The following PTPRN2 variants were observed in gnomAD, a reference collection of about 807,000 sequenced individuals.
PTPRN2 encodes receptor-type tyrosine-protein phosphatase N2.
Under a neutral mutation model 118.8 loss-of-function variants are expected in PTPRN2, and 74 were observed. The ratio of observed to expected loss-of-function variants is 0.62; its 90% CI spans 0.52 to 0.76. The LOEUF (loss-of-function observed/expected upper bound fraction) is 0.76. PTPRN2 is among the 30% of genes least tolerant of loss of function. PTPRN2 has a pLI of 0.00. For missense variants in PTPRN2, 1,481 were observed against 1,394.4 expected (o/e 1.06, Z -0.99); for synonymous variants, 641 against 608.0 (o/e 1.05, Z -0.80).
At chr7:158,071,039 ATGGAGGTGCTCATGGTGG>A (rs1317507060) in intron 11 of PTPRN2, among the ~76,000 whole-genome samples, 1 of 16,130 alleles carries the variant, frequency 6.2e-5, no homozygotes, top group Non-Finnish European at 1.1e-4. Flanking sequence ...TGCTCTTAGT[ATGGAGGTGCTCATGGTGG>A]TGGAGGTGCT....
intron 13 of PTPRN2, among the ~76,000 whole-genome samples, chr7:157,660,927 G>A (rs1795852786): frequency 6.6e-6 from 1 of 152,196 alleles, no homozygotes; most frequent in African/African-American, 2.4e-5. Context: ...GCTAATTTTT[G>A]TATTTTTAGT....
intron 5 of PTPRN2, among the ~76,000 whole-genome samples, chr7:158,191,663 G>T (rs762094256): frequency 6.6e-6 from 1 of 152,008 alleles, no homozygotes; most frequent in African/African-American, 2.4e-5. Context: ...AGTGGGCTTC[G>T]CATAGTGAAG....
intron 2 of PTPRN2, among the ~76,000 whole-genome samples, chr7:158,395,284 T>TGAGGGGTGAGGGGC (rs1812269980): frequency 1.4e-4 from 1 of 7,370 alleles, no homozygotes; most frequent in Non-Finnish European, 3.4e-4. Flanking sequence ...CCTGCACAAG[T>TGAGGGGTGAGGGGC]GAGGGGTGAG....
intron 3 of PTPRN2, among the ~76,000 whole-genome samples, chr7:158,249,976 C>A (rs1023708475): frequency 1.3e-5 from 2 of 152,144 alleles, no homozygotes; most frequent in Non-Finnish European, 2.9e-5. Context: ...ACGACACACA[C>A]ACGAGTTTCC....
At chr7:158,327,361 A>AT (rs1803706897) in intron 2 of PTPRN2, among the ~76,000 whole-genome samples, 1 of 135,474 alleles carries the variant, frequency 7.4e-6, no homozygotes. Context: ...ACATGTACAC[A>AT]TTGTCACACA....
intron 11 of PTPRN2, among the ~76,000 whole-genome samples, chr7:157,973,946 C>T (rs1014614196): frequency 2.0e-5 from 3 of 152,184 alleles, no homozygotes; most frequent in African/African-American, 7.2e-5. Context: ...TTTCTCCATT[C>T]ATTGTCAGTG....
At chr7:157,925,614 G>T (rs1011267644) in intron 11 of PTPRN2, among the ~76,000 whole-genome samples, 20 of 152,086 alleles carry the variant, frequency 1.3e-4, no homozygotes, top group Non-Finnish European at 2.2e-4. Flanking sequence ...CGTGGAAACC[G>T]CATGGGGCCA....
intron 9 of PTPRN2, among the ~76,000 whole-genome samples, chr7:158,125,186 C>A (rs1347800239): frequency 1.3e-5 from 2 of 150,890 alleles, no homozygotes; most frequent in Non-Finnish European, 3.0e-5. Context: ...GTCTCGAGTC[C>A]CTCCCAGGGC....
chr7:158,142,206 C>T (rs776447130), intron 6 of PTPRN2, among the ~76,000 whole-genome samples: 1 of 152,226 alleles, frequency 6.6e-6, no homozygotes, highest in African/African-American at 2.4e-5. Flanking sequence ...GATCCGGAGC[C>T]CACGCCCGCC....
intron 10 of PTPRN2, among the ~76,000 whole-genome samples, chr7:158,099,900 A>G (rs150446875): frequency 7.4e-6 from 1 of 135,186 alleles, no homozygotes; most frequent in Non-Finnish European, 1.6e-5. Flanking sequence ...CCTCATAAGG[A>G]TCATTGTGTT....
intron 10 of PTPRN2, among the ~76,000 whole-genome samples, chr7:158,101,488 T>C (rs1449961034): frequency 6.6e-6 from 1 of 152,154 alleles, no homozygotes; most frequent in Non-Finnish European, 1.5e-5. Flanking sequence ...AAGAACCCAA[T>C]AGCAAATGCA....
rs1412304867 is a variant in PTPRN2, at chr7:157,560,490, C to T, written c.2902+8412G>A. Among the ~76,000 whole-genome samples the T allele has an allele frequency of 6.6e-6, 1 of 152,172 alleles. No individual in the cohort carries two copies. The highest frequency in any genetic ancestry group is 1.5e-5 in the Non-Finnish European group (1 of 68,022). On this transcript the variant is annotated intron_variant, in intron 21 of 22. Coordinates refer to ENST00000389418, the MANE Select transcript of PTPRN2 (RefSeq NM_002847.5). The surrounding 1 kb of genome is among the most constrained non-coding windows in gnomAD (Gnocchi z 6.7). The stretch of plus-strand genomic sequence containing the variant: ...GCCCCCGGACCACTGCTCCAACCAG[C>T]GTTCGTCGTCAGCCCCTTACACGGG...
chr7:157,916,731 C>CACCAT (rs1429117688), intron 11 of PTPRN2, among the ~76,000 whole-genome samples: 6 of 151,122 alleles, frequency 4.0e-5, no homozygotes, highest in Non-Finnish European at 8.8e-5. Context: ...TGAAGGTCCC[C>CACCAT]ACCATGGCAG....
At chr7:158,432,165 G>C (rs1275034143) in intron 2 of PTPRN2, among the ~76,000 whole-genome samples, 2 of 152,224 alleles carry the variant, frequency 1.3e-5, no homozygotes, top group Non-Finnish European at 2.9e-5. Flanking sequence ...TTAATGACGT[G>C]TGAGGGAGAA....
chr7:158,384,664 C>G (rs1811198025), intron 2 of PTPRN2, among the ~76,000 whole-genome samples: 1 of 152,140 alleles, frequency 6.6e-6, no homozygotes, highest in South Asian at 2.1e-4. Flanking sequence ...GGGAATGAAC[C>G]TTCCCTTCAT....
chr7:157,871,829 C>T (rs1016695301), intron 12 of PTPRN2, among the ~76,000 whole-genome samples: 2 of 151,362 alleles, frequency 1.3e-5, no homozygotes, highest in South Asian at 2.1e-4. Flanking sequence ...GCACACACAC[C>T]CATGTCTACA....
chr7:157,671,116 C>T lies in PTPRN2; in HGVS notation c.2001+11609G>A, dbSNP rs893798885. Among the ~76,000 whole-genome samples the T allele has an allele frequency of 6.9e-6, 1 of 144,582 alleles. No homozygotes were observed. Among genetic ancestry groups the T allele is most frequent in the African/African-American group, 2.5e-5 (1 of 40,424 alleles). 94.9% of individuals were successfully genotyped at this position (144,582 alleles called of 152,430 possible). On this transcript the variant is annotated intron_variant, in intron 13 of 22. Coordinates refer to ENST00000389418, the MANE Select transcript of PTPRN2 (RefSeq NM_002847.5). This position sits in a 1 kb window ranked among gnomAD's most constrained non-coding sequence, Gnocchi z 4.1. ...TTTACATGCTCCCCCGCCCCCCGTC[C>T]CCTGCCCACAGACCTGCTCTTACCA...
At chr7:158,164,581 G>C (rs904425553) in intron 6 of PTPRN2, among the ~76,000 whole-genome samples, 5 of 151,896 alleles carry the variant, frequency 3.3e-5, no homozygotes, top group Non-Finnish European at 7.4e-5. Context: ...GCAGGAATGC[G>C]TCCTATTCTC....
intron 5 of PTPRN2, among the ~76,000 whole-genome samples, chr7:158,178,454 G>A (rs1050903122): frequency 4.6e-5 from 7 of 151,872 alleles, no homozygotes; most frequent in African/African-American, 1.2e-4. Flanking sequence ...TAAGGTAATC[G>A]ATTTTCCTTT....
Sources: gnomAD v4.1 joint callset for allele counts (sites outside exome capture counted in the v4.1 genomes callset) on GRCh38, gnomAD v4.1.1 for gene constraint, Gnocchi (gnomAD v3.1) non-coding constraint, MANE v1.5 for transcripts, NCBI Gene and HGNC (gene_info 2026-07-23, HGNC 2026-07-21) for gene names.